The following ALK variants were observed in gnomAD, a reference collection of about 807,000 sequenced individuals.
ALK encodes the protein ALK receptor tyrosine kinase, also known as ALK tyrosine kinase receptor.
ALK carries 74 observed loss-of-function variants against 163.1 expected under a neutral mutation model. The ratio of observed to expected loss-of-function variants is 0.45; its 90% confidence interval spans 0.38 to 0.55. The LOEUF (loss-of-function observed/expected upper bound fraction) is 0.55, where lower values mean the gene tolerates loss of function less well. Among genes scored for constraint, ALK ranks in the 20% least tolerant of loss-of-function variants. ALK has a pLI of 0.00. For synonymous variants in ALK, 960 were observed against 843.2 expected, an observed-to-expected ratio of 1.14 and a Z score of -2.40; for missense variants, 2,063 against 2,105.3, an observed-to-expected ratio of 0.98 and a Z score of 0.39.
chr2:29,766,944 C>G (rs1680881213), intron 1 of ALK, among the ~76,000 whole-genome samples: 1 of 152,178 alleles, frequency 6.6e-6, no homozygotes, highest in Admixed American at 6.5e-5. Context: ...AACACCCCAG[C>G]CTTCTGAGGC....
chr2:29,614,088 G>C (rs575302809), intron 3 of ALK, among the ~76,000 whole-genome samples: 1 of 152,152 alleles, frequency 6.6e-6, no homozygotes, highest in Non-Finnish European at 1.5e-5. Flanking sequence ...GGAGGAGCTG[G>C]GGCAGAGTTC....
chr2:29,477,512 T>A lies in ALK; in HGVS notation c.1154+54403A>T, dbSNP rs150759860. Among the ~76,000 whole-genome samples the A allele has an allele frequency of 1.2e-4, 19 of 152,326 alleles. 1 individual carries two copies. Among genetic ancestry groups the A allele is most frequent in the African/African-American group, 3.8e-4 (16 of 41,576 alleles). ...TAAGCAAGTCAGGAAGTCCCCACCC[T>A]CAGGTTCAGAATGTTTTATCAGAGG... On this transcript the variant is annotated intron_variant, in intron 4 of 28. Coordinates refer to ENST00000389048, the MANE Select transcript of ALK (RefSeq NM_004304.5).
chr2:29,467,636 C>A (rs79674921), intron 4 of ALK, among the ~76,000 whole-genome samples: 3 of 152,220 alleles, frequency 2.0e-5, no homozygotes, highest in Admixed American at 1.3e-4. Context: ...CAGTTCCTCT[C>A]AAAGTGTGGC....
intron 1 of ALK, among the ~76,000 whole-genome samples, chr2:29,724,063 T>C (rs1185994489): frequency 6.6e-6 from 1 of 152,204 alleles, no homozygotes; most frequent in African/African-American, 2.4e-5. Context: ...ATATAATAAA[T>C]ATATCATACT....
intron 26 of ALK, among the ~76,000 whole-genome samples, chr2:29,201,296 G>T (rs1473293528): frequency 6.6e-6 from 1 of 151,980 alleles, no homozygotes; most frequent in Admixed American, 6.6e-5. Context: ...ATTTTAATAG[G>T]CAACTCAAAT....
intron 1 of ALK, among the ~76,000 whole-genome samples, chr2:29,738,958 T>G (rs1679970839): frequency 6.6e-6 from 1 of 152,044 alleles, no homozygotes; most frequent in Non-Finnish European, 1.5e-5. Flanking sequence ...TTATATTGGC[T>G]AGGCACAGTG....
chr2:29,412,937 A>G (rs542473218), intron 4 of ALK, among the ~76,000 whole-genome samples: 5 of 152,320 alleles, frequency 3.3e-5, no homozygotes, highest in East Asian at 1.9e-4. Flanking sequence ...CTTGCCTTCA[A>G]TGAAGTAGAT....
intron 4 of ALK, among the ~76,000 whole-genome samples, chr2:29,399,204 T>C (rs1669384962): frequency 6.6e-6 from 1 of 152,216 alleles, no homozygotes; most frequent in African/African-American, 2.4e-5. Flanking sequence ...GTAGGAATTG[T>C]TGTTCCCATT....
intron 15 of ALK, among the ~76,000 whole-genome samples, chr2:29,229,365 G>C (rs913068939): frequency 6.6e-6 from 1 of 152,194 alleles, no homozygotes; most frequent in African/African-American, 2.4e-5. Context: ...GGTTAAGGAT[G>C]GGGGGACGTG....
At chr2:29,212,420 A>G (rs1252584127) in intron 24 of ALK, among the ~76,000 whole-genome samples, 1 of 152,240 alleles carries the variant, frequency 6.6e-6, no homozygotes, top group South Asian at 2.1e-4. Context: ...ATAGACTCTT[A>G]GAAGGAGCAG....
chr2:29,221,066 G>A (rs1237723337), intron 22 of ALK: 1 of 651,062 alleles, frequency 1.5e-6, no homozygotes, highest in East Asian at 3.1e-5. Context: ...CAGGAGAGTG[G>A]CTGGAGCTGT....
At chr2:29,400,858 C>G (rs1371257820) in intron 4 of ALK, among the ~76,000 whole-genome samples, 1 of 152,112 alleles carries the variant, frequency 6.6e-6, no homozygotes, top group Non-Finnish European at 1.5e-5. Flanking sequence ...GCCTGTAGCC[C>G]CAGCTACTTG....
intron 1 of ALK, among the ~76,000 whole-genome samples, chr2:29,893,995 C>T (rs1468276856): frequency 1.3e-5 from 2 of 152,146 alleles, no homozygotes; most frequent in East Asian, 1.9e-4. Context: ...ACATGACAGT[C>T]ACCCAATATA....
intron 15 of ALK, among the ~76,000 whole-genome samples, chr2:29,230,702 C>G (rs1558628631): frequency 6.6e-6 from 1 of 152,106 alleles, no homozygotes; most frequent in African/African-American, 2.4e-5. Flanking sequence ...AGCCATGAAA[C>G]CTCCAGGGGT....
intron 3 of ALK, among the ~76,000 whole-genome samples, chr2:29,667,400 A>G (rs1414666071): frequency 1.3e-5 from 2 of 152,064 alleles, no homozygotes; most frequent in Non-Finnish European, 2.9e-5. Flanking sequence ...TCCATTCCTT[A>G]GAGGAAAGGC....
intron 4 of ALK, among the ~76,000 whole-genome samples, chr2:29,493,238 C>A (rs1486385548): frequency 6.6e-6 from 1 of 152,114 alleles, no homozygotes; most frequent in Non-Finnish European, 1.5e-5. Context: ...TGGCTATAGC[C>A]CATTGGATTT....
chr2:29,264,703 G>A (rs567694630), intron 11 of ALK, among the ~76,000 whole-genome samples: 2 of 152,346 alleles, frequency 1.3e-5, no homozygotes, highest in South Asian at 4.1e-4. Flanking sequence ...CACCTGAGTG[G>A]TCAGAAGGAG....
intron 4 of ALK, among the ~76,000 whole-genome samples, chr2:29,460,357 C>G (rs919806921): frequency 2.0e-5 from 3 of 152,048 alleles, no homozygotes; most frequent in Admixed American, 6.6e-5. Context: ...CATTTGTTAC[C>G]CAGCGGAGGA....
intron 1 of ALK, among the ~76,000 whole-genome samples, chr2:29,762,931 A>G (rs1170163691): frequency 6.6e-6 from 1 of 152,104 alleles, no homozygotes; most frequent in Non-Finnish European, 1.5e-5. Flanking sequence ...TACTAAAAAT[A>G]CAAAAATTAG....
Sources: gnomAD v4.1 joint callset for allele counts (sites outside exome capture counted in the v4.1 genomes callset) on GRCh38, gnomAD v4.1.1 for gene constraint, MANE v1.5 for transcripts, NCBI Gene and HGNC (gene_info 2026-07-23, HGNC 2026-07-21) for gene names.